The following CSRNP3 variants were observed in gnomAD, a reference collection of about 807,000 sequenced individuals.
CSRNP3 encodes cysteine/serine-rich nuclear protein 3.
In CSRNP3, 12 loss-of-function variants were observed where a neutral mutation model predicts 48.0. The observed-to-expected ratio is 0.25, with a 90% CI of 0.16 to 0.41. CSRNP3 has a LOEUF of 0.41. CSRNP3 is among the 10% of genes least tolerant of loss of function. The probability of loss-of-function intolerance (pLI) is 1.00; values close to 1 mark genes in which losing one functional copy is unlikely to be tolerated. For synonymous variants in CSRNP3, 263 were observed against 269.7 expected, an observed-to-expected ratio of 0.98 and a Z score of 0.24; for missense variants, 580 against 724.4, an observed-to-expected ratio of 0.80 and a Z score of 2.29.
rs1483996593 is a variant in CSRNP3, at chr2:165,687,643, T to G, written c.*7890T>G. 6.6e-6 allele frequency: 1 copy of G among 152,068 alleles called. No homozygotes were observed. The highest frequency in any genetic ancestry group is 1.5e-5 in the Non-Finnish European group (1 of 67,984). The allele number at this position is 152,068 out of a possible 1,614,324, so 9.4% of individuals were successfully genotyped here. A position where few individuals can be genotyped will look rare whatever the true frequency, so the allele number is the denominator to read the frequency against. ...CTCCAGAGATTTACACAGCCACCAT[T>G]TGATCCCAGCCTTTGTCCTTGTGTT... On this transcript the variant is annotated 3_prime_UTR_variant, in exon 7 of 7. Coordinates refer to ENST00000651982, the MANE Select transcript of CSRNP3 (RefSeq NM_001172173.2).
At chr2:165,513,579 T>C (rs992288767) in intron 2 of CSRNP3, among the ~76,000 whole-genome samples, 1 of 152,236 alleles carries the variant, frequency 6.6e-6, no homozygotes, top group Non-Finnish European at 1.5e-5. Context: ...GAATCATCTA[T>C]TAAAAATATT....
At chr2:165,643,704 T>C (rs1414751185) in intron 4 of CSRNP3, among the ~76,000 whole-genome samples, 1 of 152,220 alleles carries the variant, frequency 6.6e-6, no homozygotes, top group Non-Finnish European at 1.5e-5. Flanking sequence ...GATTTCATAT[T>C]TTTATAAAAT....
chr2:165,576,076 A>G (rs1685446239), intron 3 of CSRNP3, among the ~76,000 whole-genome samples: 1 of 150,216 alleles, frequency 6.7e-6, no homozygotes, highest in Admixed American at 6.7e-5. Context: ...ATTGTTTTTT[A>G]TATATGTATA....
At chr2:165,494,015 A>T (rs1684253892) in intron 1 of CSRNP3, among the ~76,000 whole-genome samples, 1 of 152,114 alleles carries the variant, frequency 6.6e-6, no homozygotes, top group African/African-American at 2.4e-5. Flanking sequence ...ATGTAAACAA[A>T]TTTTAAGAAA....
chr2:165,513,578 A>G (rs758522849), intron 2 of CSRNP3, among the ~76,000 whole-genome samples: 1 of 152,240 alleles, frequency 6.6e-6, no homozygotes, highest in Non-Finnish European at 1.5e-5. Flanking sequence ...CGAATCATCT[A>G]TTAAAAATAT....
chr2:165,606,612 T>A (rs1180452643), intron 4 of CSRNP3, among the ~76,000 whole-genome samples: 1 of 152,092 alleles, frequency 6.6e-6, no homozygotes, highest in African/African-American at 2.4e-5. Context: ...TGTCAGGTGA[T>A]TGAATTACTA....
At chr2:165,500,257 T>G (rs956424263) in intron 2 of CSRNP3, among the ~76,000 whole-genome samples, 2 of 151,372 alleles carry the variant, frequency 1.3e-5, no homozygotes, top group African/African-American at 4.8e-5. Context: ...GCCATTGGAT[T>G]ATAATGTTGG....
At chr2:165,560,795 A>T (rs1685224845) in intron 3 of CSRNP3, among the ~76,000 whole-genome samples, 1 of 152,202 alleles carries the variant, frequency 6.6e-6, no homozygotes, top group South Asian at 2.1e-4. Context: ...TGAAATGCAG[A>T]TCCTTATGGT....
rs950164854 is a variant in CSRNP3 at position 165,556,640 on chromosome 2, T to G, written c.-23-38403T>G. ...AATGTGAGTGACAAAAATAGAACAT[T>G]TCCAAAGGTCTGAGAAAAATAAGAA... On this transcript the variant is annotated intron_variant, in intron 3 of 6. Coordinates refer to ENST00000651982, the MANE Select transcript of CSRNP3 (RefSeq NM_001172173.2). Among the ~76,000 whole-genome samples, 27 of 152,070 alleles carry G rather than the reference T, an allele frequency of 1.8e-4. 1 individual carries two copies. The highest frequency in any genetic ancestry group is 5.9e-4 in the Admixed American group (9 of 15,254).
rs11313094 is a variant in CSRNP3 at position 165,559,796 on chromosome 2, C to CTTT, written c.-23-35228_-23-35226dup. ...CTGAATGTAATATTTTTCTTTCTTT[C>CTTT]TTTTTTTTTTTTTTTTTTTTTGAGA... On this transcript the variant is annotated intron_variant, in intron 3 of 6. Coordinates refer to ENST00000651982, the MANE Select transcript of CSRNP3 (RefSeq NM_001172173.2). Among the ~76,000 whole-genome samples, 481 of 98,370 alleles carry CTTT rather than the reference C, an allele frequency of 4.9e-3. 2 individuals are homozygous for CTTT. Among genetic ancestry groups the CTTT allele is most frequent in the Middle Eastern group, 9.1e-3 (1 of 110 alleles). The allele number at this position is 98,370 out of a possible 152,430, so 64.5% of individuals were successfully genotyped here. A position where few individuals can be genotyped will look rare whatever the true frequency, so the allele number is the denominator to read the frequency against.
At chr2:165,512,573 C>T (rs1684522196) in intron 2 of CSRNP3, among the ~76,000 whole-genome samples, 1 of 152,114 alleles carries the variant, frequency 6.6e-6, no homozygotes, top group Non-Finnish European at 1.5e-5. Flanking sequence ...TGACTAAGTA[C>T]TATTATTCTT....
At chr2:165,612,405 T>C (rs1313687936) in intron 4 of CSRNP3, among the ~76,000 whole-genome samples, 2 of 152,102 alleles carry the variant, frequency 1.3e-5, no homozygotes, top group Non-Finnish European at 2.9e-5. Flanking sequence ...CTAGAAATGA[T>C]CATTTCTCTG....
chr2:165,622,144 A>G (rs932258424), intron 4 of CSRNP3, among the ~76,000 whole-genome samples: 2 of 152,132 alleles, frequency 1.3e-5, no homozygotes, highest in African/African-American at 4.8e-5. Context: ...AGTATCTCTA[A>G]ATTTGAACTT....
At chr2:165,558,478 G>A (rs1470937566) in intron 3 of CSRNP3, among the ~76,000 whole-genome samples, 1 of 152,116 alleles carries the variant, frequency 6.6e-6, no homozygotes, top group Non-Finnish European at 1.5e-5. Flanking sequence ...CCTTTTGGGA[G>A]GACCATATCT....
chr2:165,477,309 G>A (rs964816082), intron 1 of CSRNP3, among the ~76,000 whole-genome samples: 1 of 151,104 alleles, frequency 6.6e-6, no homozygotes, highest in African/African-American at 2.4e-5. Flanking sequence ...GACTTTTAAC[G>A]AAGGGTATGT....
At chr2:165,664,730 C>T (rs998445781) in intron 5 of CSRNP3, among the ~76,000 whole-genome samples, 8 of 152,138 alleles carry the variant, frequency 5.3e-5, no homozygotes, top group African/African-American at 1.7e-4. Context: ...GAATATGTTA[C>T]GTTATCTTCT....
At chr2:165,568,105 C>T (rs186021732) in intron 3 of CSRNP3, among the ~76,000 whole-genome samples, 110 of 152,072 alleles carry the variant, frequency 7.2e-4, no homozygotes, top group African/African-American at 2.6e-3. Context: ...CTGATGGATT[C>T]CTTTCTTCTC....
intron 3 of CSRNP3, among the ~76,000 whole-genome samples, chr2:165,536,667 A>C (rs1237494411): frequency 6.6e-6 from 1 of 151,874 alleles, no homozygotes; most frequent in East Asian, 1.9e-4. Context: ...CAGTGAATAG[A>C]AAATGTATGT....
intron 1 of CSRNP3, among the ~76,000 whole-genome samples, chr2:165,471,986 T>C (rs1052243354): frequency 1.3e-5 from 2 of 152,078 alleles, no homozygotes; most frequent in Non-Finnish European, 2.9e-5. Flanking sequence ...TTTTTTTTCC[T>C]TTGGTACAAA....
Sources: allele counts gnomAD v4.1 joint callset (sites outside exome capture counted in the v4.1 genomes callset), GRCh38; gene constraint gnomAD v4.1.1; transcripts MANE v1.5; gene names NCBI Gene and HGNC (gene_info 2026-07-23, HGNC 2026-07-21).